The following CAGE1 variants were observed in gnomAD, a reference collection of about 807,000 sequenced individuals.
The protein encoded by CAGE1 is cancer-associated gene 1 protein.
A neutral mutation model predicts 94.9 loss-of-function variants in CAGE1; 66 were observed. That is an observed-to-expected ratio of 0.70 (90% CI 0.57 to 0.85). CAGE1 has a LOEUF of 0.85. CAGE1 is among the 40% of genes least tolerant of loss of function. The pLI is 0.00. For missense variants in CAGE1, 865 were observed against 950.4 expected, an observed-to-expected ratio of 0.91 and a Z score of 1.18; for synonymous variants, 319 against 321.0, an observed-to-expected ratio of 0.99 and a Z score of 0.07.
chr6:7,346,283 A>G (rs1360593441), intron 11 of CAGE1, among the ~76,000 whole-genome samples: 1 of 152,232 alleles, frequency 6.6e-6, no homozygotes, highest in Non-Finnish European at 1.5e-5. Flanking sequence ...GGGCGGGTGC[A>G]GTGACTCACG....
At chr6:7,345,973 T>G (rs1016382848) in intron 11 of CAGE1, among the ~76,000 whole-genome samples, 1 of 152,140 alleles carries the variant, frequency 6.6e-6, no homozygotes, top group Non-Finnish European at 1.5e-5. Flanking sequence ...TGAAGAACAA[T>G]ACCTCAAACT....
At chr6:7,358,028 ATATATAT>A (rs1760024885) in intron 9 of CAGE1, among the ~76,000 whole-genome samples, 2,122 of 66,884 alleles carry the variant, frequency 0.032, 90 homozygotes, top group African/African-American at 0.057. Flanking sequence ...AAGTTTTGAG[ATATATAT>A]ATATATATAT....
intron 11 of CAGE1, among the ~76,000 whole-genome samples, chr6:7,351,530 A>AAAAATAAAAT (rs60549717): frequency 0.36 from 49,703 of 139,184 alleles, 9,168 homozygotes; most frequent in Admixed American, 0.41. Flanking sequence ...AAAGTATAAT[A>AAAAATAAAAT]AAAATAAAAT....
At chr6:7,365,349 T>C (rs1199306661) in intron 9 of CAGE1, 119 bp downstream of exon 9, 5 of 702,496 alleles carry the variant, frequency 7.1e-6, no homozygotes, top group Non-Finnish European at 9.4e-6. Context: ...AATGCCATGA[T>C]GCCAGTGTGT....
chr6:7,345,445 G>T (rs2477478), intron 11 of CAGE1, among the ~76,000 whole-genome samples: 20,018 of 152,078 alleles, frequency 0.13, 1,551 homozygotes, highest in East Asian at 0.3. Flanking sequence ...TTTCATTCTT[G>T]AAGTGAGACC....
At chr6:7,331,397 G>T (rs1452528833) in intron 12 of CAGE1, 2 of 822,848 alleles carry the variant, frequency 2.4e-6, no homozygotes, top group African/African-American at 1.8e-5. Context: ...TTAGTGCAGG[G>T]TTTCTGGCAT....
intron 4 of CAGE1, among the ~76,000 whole-genome samples, chr6:7,376,679 G>A (rs1192255336): frequency 6.6e-6 from 1 of 152,126 alleles, no homozygotes; most frequent in Non-Finnish European, 1.5e-5. Flanking sequence ...GTCTTCATCT[G>A]CTGTACCCCT....
intron 9 of CAGE1, among the ~76,000 whole-genome samples, chr6:7,363,161 T>C (rs756696188): frequency 2.0e-4 from 30 of 152,114 alleles, no homozygotes; most frequent in Admixed American, 6.6e-4. Context: ...TCCCAGCTAC[T>C]TAGGAGGCTG....
chr6:7,338,497 T>A (rs999337541), intron 11 of CAGE1, among the ~76,000 whole-genome samples: 4 of 152,226 alleles, frequency 2.6e-5, no homozygotes, highest in Non-Finnish European at 5.9e-5. Flanking sequence ...ATCGAAATTA[T>A]CATATGCTTT....
chr6:7,376,827 T>G (rs1325369090), intron 4 of CAGE1, among the ~76,000 whole-genome samples: 1 of 152,192 alleles, frequency 6.6e-6, no homozygotes, highest in African/African-American at 2.4e-5. Context: ...GGCTGCCTAA[T>G]TAACTTCTAC....
Position 7,382,434 on chromosome 6 carries a change from T to C in CAGE1, c.283+3351A>G, listed in dbSNP as rs918769266. Reference sequence around the variant, plus strand: ...CTCCTGCGTCAGCCTCCTGAGTAGCTGGGACTACAGGCACGCGCCACTATG... The same window carrying C: ...CTCCTGCGTCAGCCTCCTGAGTAGCCGGGACTACAGGCACGCGCCACTATG... On this transcript the variant is annotated intron_variant, in intron 3 of 13. Coordinates refer to ENST00000502583, the MANE Select transcript of CAGE1 (RefSeq NM_001170692.2). Among the ~76,000 whole-genome samples the C allele has an allele frequency of 3.3e-5, 5 of 152,076 alleles. No individual in the cohort carries two copies. In the East Asian group the frequency reaches 6.0e-4, roughly 18 times the overall value.
rs954030153 is a variant in CAGE1 at position 7,337,150 on chromosome 6, G to A, written c.2370-3060C>T. Among the ~76,000 whole-genome samples, 7 of 151,806 alleles carry A rather than the reference G, an allele frequency of 4.6e-5. No individual in the cohort carries two copies. In the East Asian group the frequency reaches 5.8e-4, roughly 13 times the overall value. ...AGCCTGGCCAACATGGTGAAACCCC[G>A]TCTCTACTAAAAATACAACCAAAAA... On this transcript the variant is annotated intron_variant, in intron 11 of 13. Transcript: ENST00000502583.
At chr6:7,374,566 C>G (rs1760671174) in intron 4 of CAGE1, among the ~76,000 whole-genome samples, 1 of 150,756 alleles carries the variant, frequency 6.6e-6, no homozygotes, top group African/African-American at 2.4e-5. Flanking sequence ...TATTACTGGG[C>G]CAAAAGTTTG....
chr6:7,345,044 C>G (rs981230299), intron 11 of CAGE1, among the ~76,000 whole-genome samples: 7 of 152,188 alleles, frequency 4.6e-5, no homozygotes, highest in Non-Finnish European at 7.3e-5. Context: ...CCCAAGCCAG[C>G]AGCGGCAGAT....
At chr6:7,358,195 T>A (rs563146029) in intron 9 of CAGE1, among the ~76,000 whole-genome samples, 3 of 150,956 alleles carry the variant, frequency 2.0e-5, no homozygotes, top group Non-Finnish European at 4.4e-5. Context: ...ACCTCCACAC[T>A]CTCTGCCAGT....
intron 11 of CAGE1, among the ~76,000 whole-genome samples, chr6:7,340,099 G>C (rs543122989): frequency 1.4e-4 from 22 of 152,028 alleles, no homozygotes; most frequent in African/African-American, 4.8e-4. Context: ...TTGATTTTTT[G>C]ATTATGGTCA....
intron 3 of CAGE1, among the ~76,000 whole-genome samples, chr6:7,382,816 A>C (rs1760982833): frequency 6.6e-6 from 1 of 152,054 alleles, no homozygotes; most frequent in Admixed American, 6.5e-5. Flanking sequence ...AGGCCGAGGC[A>C]GGAGAATAGT....
At chr6:7,346,220 A>G (rs1046161894) in intron 11 of CAGE1, among the ~76,000 whole-genome samples, 28 of 152,206 alleles carry the variant, frequency 1.8e-4, no homozygotes, top group African/African-American at 6.8e-4. Flanking sequence ...AATTAAAAAT[A>G]CTGTTCTTCA....
chr6:7,357,764 G>C (rs1295020010), intron 9 of CAGE1, among the ~76,000 whole-genome samples: 1 of 151,564 alleles, frequency 6.6e-6, no homozygotes, highest in East Asian at 1.9e-4. Context: ...TGTATGGTTT[G>C]GTAAATTTTT....
Sources: gnomAD v4.1 joint callset for allele counts (sites outside exome capture counted in the v4.1 genomes callset) on GRCh38, gnomAD v4.1.1 for gene constraint, MANE v1.5 for transcripts, NCBI Gene and HGNC (gene_info 2026-07-23, HGNC 2026-07-21) for gene names.